The following CCSER1 variants were observed in gnomAD, a reference collection of about 807,000 sequenced individuals.
CCSER1 encodes serine-rich coiled-coil domain-containing protein 1.
Under a neutral mutation model 82.0 loss-of-function variants are expected in CCSER1, and 41 were observed. That is an observed-to-expected ratio of 0.50 (90% CI 0.39 to 0.65). The LOEUF is 0.65. CCSER1 is among the 30% of genes least tolerant of loss of function. The pLI, the probability that CCSER1 is intolerant of heterozygous loss-of-function variation, is 0.00. For missense variants in CCSER1, 1,119 were observed against 1,064.2 expected (o/e 1.05, Z -0.72); for synonymous variants, 414 against 383.9 (o/e 1.08, Z -0.92).
chr4:90,586,249 C>T (rs1003843891), intron 5 of CCSER1, among the ~76,000 whole-genome samples: 7 of 151,932 alleles, frequency 4.6e-5, no homozygotes, highest in Admixed American at 3.3e-4. Flanking sequence ...CTCCATTATA[C>T]CCCCCCACCC....
chr4:90,845,965 ATT>A (rs57833291), intron 8 of CCSER1, among the ~76,000 whole-genome samples: 2 of 151,912 alleles, frequency 1.3e-5, no homozygotes, highest in African/African-American at 2.4e-5. Flanking sequence ...CTATTTATAG[ATT>A]TTTTTTATGA....
chr4:90,421,980 G>C (rs565825463), intron 4 of CCSER1, among the ~76,000 whole-genome samples: 3 of 152,278 alleles, frequency 2.0e-5, no homozygotes, highest in South Asian at 2.1e-4. Flanking sequence ...TCTCCCTACT[G>C]AGGGAGGGAG....
intron 7 of CCSER1, among the ~76,000 whole-genome samples, chr4:90,790,654 G>C (rs909917971): frequency 1.3e-5 from 2 of 152,096 alleles, no homozygotes; most frequent in African/African-American, 4.8e-5. Flanking sequence ...TTCCCAACAA[G>C]TTTCTCATCT....
intron 1 of CCSER1, among the ~76,000 whole-genome samples, chr4:90,159,143 C>T (rs1344806667): frequency 6.6e-6 from 1 of 152,126 alleles, no homozygotes; most frequent in African/African-American, 2.4e-5. Flanking sequence ...AAGTGGTCCT[C>T]CTACCTCAGC....
In CCSER1 at chr4:91,388,494, T is replaced by C. The variant is rs190582149; in HGVS notation, c.2218-210078T>C. Among the ~76,000 whole-genome samples, 20 of 152,200 alleles carry C rather than the reference T, an allele frequency of 1.3e-4. No homozygotes were observed. The East Asian group carries it at 3.9e-3, about 29-fold the overall frequency. ...AAGAAACTGAAAAACTCTTCCAAAG[T>C]GGCTATATAATTTTACATTCCCATC... On this transcript the variant is annotated intron_variant, in intron 10 of 10. Coordinates refer to ENST00000509176, the MANE Select transcript of CCSER1 (RefSeq NM_001145065.2).
intron 1 of CCSER1, among the ~76,000 whole-genome samples, chr4:90,220,232 A>G (rs2153420675): frequency 6.6e-6 from 1 of 152,234 alleles, no homozygotes; most frequent in South Asian, 2.1e-4. Context: ...TATAGATAGG[A>G]CTTGGTACTA....
intron 10 of CCSER1, among the ~76,000 whole-genome samples, chr4:91,089,395 G>T (rs1259693687): frequency 6.6e-6 from 1 of 152,184 alleles, no homozygotes; most frequent in Non-Finnish European, 1.5e-5. Context: ...TGGGCTGCCT[G>T]CCTTTGGTTT....
At chr4:90,763,913 T>C (rs1056327440) in intron 7 of CCSER1, among the ~76,000 whole-genome samples, 8 of 152,318 alleles carry the variant, frequency 5.3e-5, no homozygotes, top group African/African-American at 1.9e-4. Flanking sequence ...CTTATAACTT[T>C]CCGGTGTCCT....
chr4:90,877,274 A>C (rs1365185400), intron 8 of CCSER1, among the ~76,000 whole-genome samples: 1 of 151,920 alleles, frequency 6.6e-6, no homozygotes, highest in Non-Finnish European at 1.5e-5. Flanking sequence ...ACATGCCCTG[A>C]CCTCCTTATC....
At chr4:91,448,737 T>A (rs1279260626) in intron 10 of CCSER1, among the ~76,000 whole-genome samples, 1 of 152,138 alleles carries the variant, frequency 6.6e-6, no homozygotes, top group Non-Finnish European at 1.5e-5. Flanking sequence ...GATTAATTAA[T>A]CTTGTGTGCT....
chr4:90,992,744 C>G (rs1737152355), intron 9 of CCSER1, among the ~76,000 whole-genome samples: 2 of 151,876 alleles, frequency 1.3e-5, no homozygotes, highest in Non-Finnish European at 2.9e-5. Flanking sequence ...CCCAGAGGCC[C>G]CTTGCAATTC....
chr4:91,514,047 T>G (rs1759969520), intron 10 of CCSER1, among the ~76,000 whole-genome samples: 1 of 152,150 alleles, frequency 6.6e-6, no homozygotes, highest in Admixed American at 6.6e-5. Flanking sequence ...TACGTGTTGT[T>G]AGATTGTTAA....
intron 4 of CCSER1, among the ~76,000 whole-genome samples, chr4:90,420,083 T>G (rs1756448267): frequency 6.6e-6 from 1 of 152,020 alleles, no homozygotes; most frequent in African/African-American, 2.4e-5. Context: ...GACCATGATA[T>G]TCCTTAAACA....
intron 7 of CCSER1, among the ~76,000 whole-genome samples, chr4:90,792,118 T>G (rs1463701841): frequency 1.3e-5 from 2 of 152,182 alleles, no homozygotes; most frequent in Non-Finnish European, 2.9e-5. Context: ...GCAGAATCCC[T>G]GATACCAGTG....
intron 4 of CCSER1, among the ~76,000 whole-genome samples, chr4:90,460,796 A>G (rs1044611238): frequency 4.6e-5 from 7 of 152,086 alleles, no homozygotes; most frequent in Non-Finnish European, 1.0e-4. Flanking sequence ...CTGTGGCTGT[A>G]TTTTCTGATT....
At chr4:91,472,981 A>G (rs1015997777) in intron 10 of CCSER1, among the ~76,000 whole-genome samples, 9 of 152,132 alleles carry the variant, frequency 5.9e-5, no homozygotes, top group African/African-American at 2.2e-4. Flanking sequence ...CGTTTTTCCT[A>G]TGACAGTCTG....
chr4:90,691,499 C>T (rs77932029), intron 6 of CCSER1, among the ~76,000 whole-genome samples: 31,102 of 151,388 alleles, frequency 0.21, 3,543 homozygotes, highest in Middle Eastern at 0.27. Context: ...TGTATATAAA[C>T]GTGTGTATAT....
intron 10 of CCSER1, among the ~76,000 whole-genome samples, chr4:91,278,095 T>C (rs986665944): frequency 3.3e-5 from 5 of 152,092 alleles, no homozygotes; most frequent in African/African-American, 1.2e-4. Flanking sequence ...TTTTGTGTCC[T>C]AACATATGGC....
intron 8 of CCSER1, among the ~76,000 whole-genome samples, chr4:90,850,650 G>A (rs1257589079): frequency 6.6e-6 from 1 of 152,206 alleles, no homozygotes; most frequent in African/African-American, 2.4e-5. Flanking sequence ...ATTTGGAATG[G>A]ACGCATTTAC....
Sources: allele counts gnomAD v4.1 joint callset (sites outside exome capture counted in the v4.1 genomes callset), GRCh38; gene constraint gnomAD v4.1.1; transcripts MANE v1.5; gene names NCBI Gene and HGNC (gene_info 2026-07-23, HGNC 2026-07-21).